Variants in ELP1 observed in about 807,000 individuals in gnomAD.
ELP1 encodes the protein elongator complex protein 1.
ELP1 carries 131 observed loss-of-function variants against 183.2 expected under a neutral mutation model. The ratio of observed to expected loss-of-function variants is 0.72; its 90% confidence interval spans 0.62 to 0.83. ELP1 has a LOEUF of 0.83. ELP1 is among the 40% of genes least tolerant of loss of function. The pLI, the probability that ELP1 is intolerant of heterozygous loss-of-function variation, is 0.00. For missense variants in ELP1, 1,550 were observed against 1,594.9 expected (o/e 0.97, Z 0.48); for synonymous variants, 555 against 569.0 (o/e 0.98, Z 0.35).
intron 28 of ELP1, chr9:108,889,720 G>A (rs1415318791): frequency 5.3e-6 from 2 of 380,086 alleles, no homozygotes; most frequent in African/African-American, 2.1e-5. Flanking sequence ...ACTAGATGGA[G>A]GTAGCTGACT....
chr9:108,896,446 T>C (rs1196933841), intron 25 of ELP1, 50 bp downstream of exon 25: 1 of 1,570,332 alleles, frequency 6.4e-7, no homozygotes, highest in East Asian at 2.2e-5. Flanking sequence ...TTTCACACTA[T>C]CATTATATAA....
intron 10 of ELP1, among the ~76,000 whole-genome samples, chr9:108,915,470 A>C (rs1416133235): frequency 6.6e-6 from 1 of 152,220 alleles, no homozygotes; most frequent in African/African-American, 2.4e-5. Context: ...ATTCTGCCTT[A>C]AGGCTGTAAC....
rs970797207 is a variant in ELP1, at chr9:108,893,980, T to C, written c.2823A>G (p.Lys941=). The C allele has an allele frequency of 6.2e-7, 1 of 1,613,272 alleles. No individual in the cohort carries two copies. Among genetic ancestry groups the C allele is most frequent in the African/African-American group, 1.3e-5 (1 of 75,020 alleles). The change falls in exon 26 of 37, where the codon AAA becomes AAG. Residue 941 remains lysine (K), a synonymous_variant. Transcript: ENST00000374647. ...YQRFTIDKYL[K]RYEKAIGHLS... is the part of the protein sequence containing the mutation. ...GGTGGCCAATGGCTTTTTCATATCG[T>C]TTCAAGTATTTGTCTATAGTAAACC...
chr9:108,876,799 T>C (rs567606327), intron 35 of ELP1, among the ~76,000 whole-genome samples: 3 of 151,810 alleles, frequency 2.0e-5, no homozygotes, highest in South Asian at 4.2e-4. Context: ...TGGCACGATC[T>C]TGGCTCATCA....
intron 27 of ELP1, 105 bp downstream of exon 27, chr9:108,892,881 T>C: frequency 1.2e-6 from 1 of 816,010 alleles, no homozygotes; most frequent in Non-Finnish European, 2.2e-6. Flanking sequence ...AGTTTTAAGA[T>C]AAATTTTGAA....
Position 108,894,055 on chromosome 9 carries a change from T to C in ELP1, c.2748A>G (p.Glu916=), listed in dbSNP as rs200551647. The change falls in exon 26 of 37, where the codon GAA becomes GAG. Residue 916 remains glutamate, a synonymous_variant. Transcript: ENST00000374647. Reference sequence around the variant, plus strand: ...TAAGTGTATTAAGAAATGGAAGATATTCTTTGGGATCCTAAAAAAATGATT... The same window carrying C: ...TAAGTGTATTAAGAAATGGAAGATACTCTTTGGGATCCTAAAAAAATGATT... ...VAEKSQKDPK[E]YLPFLNTLKK... is the part of the protein sequence containing the mutation. 31 of 1,497,698 alleles carry C rather than the reference T, an allele frequency of 2.1e-5. No homozygotes were observed. The highest frequency in any genetic ancestry group is 2.8e-5 in the Non-Finnish European group (30 of 1,077,176). 92.8% of individuals were successfully genotyped at this position (1,497,698 alleles called of 1,614,324 possible). A position where few individuals can be genotyped will look rare whatever the true frequency, so the allele number is the denominator to read the frequency against.
At chr9:108,889,487 T>C (rs1053097344) in intron 28 of ELP1, 94 bp from the exon 29 acceptor site, 6 of 1,144,462 alleles carry the variant, frequency 5.2e-6, no homozygotes, top group Admixed American at 1.7e-5. Context: ...TATGAAACTA[T>C]GTACTTTCTG....
At position 108,901,687 on chromosome 9, in the gene ELP1, A is replaced by C; in HGVS notation, c.1855-6T>G. 1 of 1,613,962 alleles carries C rather than the reference A, an allele frequency of 6.2e-7. No individual in the cohort carries two copies. Among genetic ancestry groups the C allele is most frequent in the Non-Finnish European group, 8.5e-7 (1 of 1,179,816 alleles). ...GTCAGACCAAGGACACATTCCTGCA[A>C]AGAAATAAAACTGAAATCACAAGCA... On this transcript the variant is annotated splice_region_variant and splice_polypyrimidine_tract_variant and intron_variant, in intron 16 of 36. Coordinates refer to ENST00000374647, the MANE Select transcript of ELP1 (RefSeq NM_003640.5).
At position 108,919,260 on chromosome 9, in the gene ELP1, TG is replaced by T. The variant is rs759412460; in HGVS notation, c.641del (p.Pro214GlnfsTer39). On this transcript the variant is annotated frameshift_variant, in exon 7 of 37. Coordinates refer to ENST00000374647, the MANE Select transcript of ELP1 (RefSeq NM_003640.5). LOFTEE classifies it high-confidence loss of function. Reference protein sequence around the residue: ...GQFFAVSVVCPETGARKVRVW... With the variant: ...GQFFAVSVVCXETGARKVRVW... ...TGCAATATATTTCCATACCTGTTTC[TG>T]GGCAAACAACACTCACAGCAAAAAA... 1.6e-5 allele frequency: 26 copies of T among 1,611,430 alleles called. No homozygotes were observed. The Admixed American group carries it at 3.0e-4, about 19-fold the overall frequency.
chr9:108,870,278 T>C (rs1057393754), intron 36 of ELP1, among the ~76,000 whole-genome samples: 1 of 152,188 alleles, frequency 6.6e-6, no homozygotes, highest in Non-Finnish European at 1.5e-5. Context: ...GTTTAACTTC[T>C]GAATCTCCAA....
Position 108,881,699 on chromosome 9 carries a change from C to G in ELP1, c.3346+6G>C, listed in dbSNP as rs774179813. On this transcript the variant is annotated splice_donor_region_variant and intron_variant, in intron 31 of 36. Transcript: ENST00000374647. ...TGAGGAATTCTATCTAAAATGGAAC[C>G]CTCACCTTCTAAAATGGAAGGCTTT... The G allele has an allele frequency of 1.1e-5, 17 of 1,550,416 alleles. No homozygotes were observed. In the East Asian group the frequency reaches 3.4e-4, roughly 31 times the overall value.
At chr9:108,897,099 T>A (rs149325874) in intron 23 of ELP1, 49 bp downstream of exon 23, 2 of 1,613,922 alleles carry the variant, frequency 1.2e-6, no homozygotes, top group African/African-American at 2.7e-5. Context: ...CAAGGACAAC[T>A]ACACACTTCG....
rs766231058 is a variant in ELP1 at position 108,919,323 on chromosome 9, G to A, written c.579C>T (p.Asp193=). The A allele has an allele frequency of 3.1e-6, 5 of 1,613,620 alleles. No homozygotes were observed. The East Asian group carries it at 1.1e-4, about 36-fold the overall frequency. Residue 193 remains aspartate, a synonymous_variant, in exon 7 of 37, where the codon GAC becomes GAT. Transcript: ENST00000374647. ...CCCGCCAGGTAACTTGTGGTCTATGGTCATCCCAGGGCAAAGCAGACTCAT... is the reference window on the plus strand; with the variant it reads ...CCCGCCAGGTAACTTGTGGTCTATGATCATCCCAGGGCAAAGCAGACTCAT... ...QMHESALPWD[D]HRPQVTWRGD...
At chr9:108,907,695 C>T (rs78490371) in intron 13 of ELP1, among the ~76,000 whole-genome samples, 4,438 of 152,220 alleles carry the variant, frequency 0.029, 150 homozygotes, top group East Asian at 0.13. Flanking sequence ...AACCTCTACA[C>T]TTTGTTTTTT....
intron 24 of ELP1, 127 bp downstream of exon 24, chr9:108,896,826 T>G: frequency 9.1e-7 from 1 of 1,095,008 alleles, no homozygotes; most frequent in South Asian, 1.3e-5. Context: ...GACAAGGGTC[T>G]TAAAATGGCA....
At chr9:108,877,917 T>G (rs916147770) in intron 35 of ELP1, 78 bp downstream of exon 35, 6 of 1,491,700 alleles carry the variant, frequency 4.0e-6, no homozygotes, top group Non-Finnish European at 5.6e-6. Flanking sequence ...AGGAAAACTT[T>G]TTGACTTGGA....
chr9:108,923,854 C>T (rs1441333006), intron 5 of ELP1, among the ~76,000 whole-genome samples: 1 of 152,230 alleles, frequency 6.6e-6, no homozygotes, highest in African/African-American at 2.4e-5. Flanking sequence ...GCAAGAAGCA[C>T]AATAAAGATG....
intron 33 of ELP1, 69 bp from the exon 34 acceptor site, chr9:108,878,819 C>T: frequency 6.4e-7 from 1 of 1,571,558 alleles, no homozygotes; most frequent in African/African-American, 1.3e-5. Context: ...TGCTACCTTG[C>T]CTGGCTACTT....
chr9:108,871,085 AGG>A (rs1827436835), intron 36 of ELP1, among the ~76,000 whole-genome samples: 6 of 150,176 alleles, frequency 4.0e-5, no homozygotes, highest in African/African-American at 1.2e-4. Context: ...TTTCTCTAGC[AGG>A]AATTTATTGT....
Sources: gnomAD v4.1 joint callset for allele counts (sites outside exome capture counted in the v4.1 genomes callset) on GRCh38, gnomAD v4.1.1 for gene constraint, MANE v1.5 for transcripts, NCBI Gene and HGNC (gene_info 2026-07-23, HGNC 2026-07-21) for gene names.